STXBP5L: variants seen among roughly 807,000 people sequenced by gnomAD.
The protein encoded by STXBP5L is syntaxin-binding protein 5-like.
A neutral mutation model predicts 144.5 loss-of-function variants in STXBP5L; 65 were observed. That is an observed-to-expected ratio of 0.45 (90% CI 0.37 to 0.55). The LOEUF is 0.55. STXBP5L is among the 20% of genes least tolerant of loss of function. The probability of loss-of-function intolerance (pLI) is 0.00; values close to 1 mark genes in which losing one functional copy is unlikely to be tolerated. For synonymous variants in STXBP5L, 505 were observed against 469.6 expected, an observed-to-expected ratio of 1.08 and a Z score of -0.97; for missense variants, 1,298 against 1,405.5, an observed-to-expected ratio of 0.92 and a Z score of 1.22.
rs72956081 is a variant in STXBP5L at position 121,128,987 on chromosome 3, C to A, written c.669+7283C>A. Among the ~76,000 whole-genome samples the A allele has an allele frequency of 2.5e-3, 380 of 152,092 alleles. 2 individuals are homozygous for A. Among genetic ancestry groups the A allele is most frequent in the African/African-American group, 8.6e-3 (357 of 41,526 alleles). On this transcript the variant is annotated intron_variant, in intron 7 of 26. Transcript: ENST00000471454. ...TTTGCAGGAGTAACTGTTTAGTTTT[C>A]AGGACTGTTAGATATAGGGTCAGAG...
rs1037359288 is a variant in STXBP5L at position 121,085,517 on chromosome 3, T to G, written c.471-29408T>G. The stretch of plus-strand genomic sequence containing the variant: ...ATAAATGTGCAAAAATCACAGGGAT[T>G]CATATACACCAACAATAGACAAACA... On this transcript the variant is annotated intron_variant, in intron 5 of 26. Coordinates refer to ENST00000471454, the MANE Select transcript of STXBP5L (RefSeq NM_001308330.2). 3.3e-5 allele frequency among the ~76,000 whole-genome samples: 5 copies of G among 152,158 alleles called. No homozygotes were observed. In the East Asian group the frequency reaches 9.6e-4, roughly 29 times the overall value.
chr3:121,301,860 G>A (rs555947724), intron 19 of STXBP5L, among the ~76,000 whole-genome samples: 44 of 152,236 alleles, frequency 2.9e-4, no homozygotes, highest in African/African-American at 7.9e-4. Context: ...ATTGATTTGC[G>A]TATGTTGAAC....
At chr3:121,413,387 C>A in intron 24 of STXBP5L, 64 bp downstream of exon 24, 4 of 1,381,106 alleles carry the variant, frequency 2.9e-6, no homozygotes, top group East Asian at 2.5e-5. Flanking sequence ...AGAAAGATGT[C>A]TAAAAACAAA....
chr3:120,988,936 T>C (rs1016606569), intron 3 of STXBP5L, among the ~76,000 whole-genome samples: 1 of 152,142 alleles, frequency 6.6e-6, no homozygotes. Context: ...ATTTCTGAGA[T>C]ATTTCACTTA....
chr3:120,960,848 A>T (rs1938701703), intron 3 of STXBP5L, among the ~76,000 whole-genome samples: 1 of 149,242 alleles, frequency 6.7e-6, no homozygotes, highest in African/African-American at 2.5e-5. Flanking sequence ...AGCATGGCAC[A>T]TGTATACATA....
At chr3:121,068,486 G>A (rs1489274601) in intron 5 of STXBP5L, among the ~76,000 whole-genome samples, 6 of 150,626 alleles carry the variant, frequency 4.0e-5, no homozygotes, top group Non-Finnish European at 7.4e-5. Flanking sequence ...ATTTTTTCAC[G>A]CTTTTTGAGG....
chr3:121,089,470 C>G lies in STXBP5L; in HGVS notation c.471-25455C>G, dbSNP rs77339341. Among the ~76,000 whole-genome samples the G allele has an allele frequency of 2.0e-5, 3 of 151,820 alleles. No homozygotes were observed. In the East Asian group the frequency reaches 5.8e-4, roughly 29 times the overall value. On this transcript the variant is annotated intron_variant, in intron 5 of 26. Coordinates refer to ENST00000471454, the MANE Select transcript of STXBP5L (RefSeq NM_001308330.2). ...TGGTTTCTGATGAGAAATCTACTGT[C>G]ATTGGAAATTTTCTCCCATAGTTAA...
In STXBP5L at chr3:121,407,603, G is replaced by C. The variant is rs571833696; in HGVS notation, c.2948G>C (p.Ser983Thr). 2 of 1,612,818 alleles carry C rather than the reference G, an allele frequency of 1.2e-6. No homozygotes were observed. The highest frequency in any genetic ancestry group is 1.1e-5 in the South Asian group (1 of 91,026). ...FCANGHIMIMSLPSLRPMLDV... is the reference protein window; with the variant it reads ...FCANGHIMIMTLPSLRPMLDV... ...GCTAACGGACATATCATGATAATGAGGTACTTGCCTTCTTATAAATTATCT... is the reference window on the plus strand; with the variant it reads ...GCTAACGGACATATCATGATAATGACGTACTTGCCTTCTTATAAATTATCT... The change falls in exon 23 of 27, where the codon AGC (serine) becomes ACC (threonine). Residue 983 changes from serine to threonine, a missense_variant and splice_region_variant. Ser to Thr is a moderately conservative substitution (Grantham distance 58, BLOSUM62 1). Transcript: ENST00000471454.
At chr3:121,225,425 A>G (rs2049092112) in intron 11 of STXBP5L, among the ~76,000 whole-genome samples, 1 of 152,100 alleles carries the variant, frequency 6.6e-6, no homozygotes, top group Admixed American at 6.6e-5. Flanking sequence ...TGGTGAGATA[A>G]CACTAATATT....
At chr3:121,245,755 G>A (rs1314732433) in intron 14 of STXBP5L, among the ~76,000 whole-genome samples, 3 of 152,096 alleles carry the variant, frequency 2.0e-5, no homozygotes, top group Admixed American at 6.6e-5. Context: ...GTACAAATAT[G>A]TATGAACATA....
intron 3 of STXBP5L, among the ~76,000 whole-genome samples, chr3:121,015,999 G>C (rs1473486511): frequency 6.6e-6 from 1 of 152,174 alleles, no homozygotes; most frequent in African/African-American, 2.4e-5. Context: ...TGCAGACTCT[G>C]TCTGAGGAGG....
intron 3 of STXBP5L, among the ~76,000 whole-genome samples, chr3:120,971,395 C>T (rs1940232236): frequency 6.6e-6 from 1 of 151,878 alleles, no homozygotes; most frequent in Admixed American, 6.6e-5. Flanking sequence ...TCCTTAACTC[C>T]ATCCCACCTT....
At chr3:121,182,701 A>C (rs2047210393) in intron 9 of STXBP5L, among the ~76,000 whole-genome samples, 1 of 152,200 alleles carries the variant, frequency 6.6e-6, no homozygotes, top group Non-Finnish European at 1.5e-5. Flanking sequence ...AGATAAATGA[A>C]ACAAAAAGCT....
chr3:120,955,122 C>T (rs1396838114), intron 3 of STXBP5L, 85 bp downstream of exon 3: 5 of 951,820 alleles, frequency 5.3e-6, no homozygotes, highest in Non-Finnish European at 7.8e-6. Flanking sequence ...ATATTTATGA[C>T]CAAATAAAGT....
chr3:121,098,499 A>T (rs1363255613), intron 5 of STXBP5L, among the ~76,000 whole-genome samples: 1 of 152,200 alleles, frequency 6.6e-6, no homozygotes, highest in Non-Finnish European at 1.5e-5. Flanking sequence ...TGACTCTATA[A>T]GATTAGTCAT....
chr3:121,356,653 G>T (rs1375674700), intron 20 of STXBP5L, among the ~76,000 whole-genome samples: 1 of 152,158 alleles, frequency 6.6e-6, no homozygotes, highest in Non-Finnish European at 1.5e-5. Context: ...TCCCGGGTGA[G>T]GCAATGCCCT....
chr3:121,335,239 A>G (rs2044464957), intron 20 of STXBP5L, among the ~76,000 whole-genome samples: 1 of 152,176 alleles, frequency 6.6e-6, no homozygotes, highest in South Asian at 2.1e-4. Context: ...ACCTAGTAAT[A>G]CAGCTTAAAA....
intron 20 of STXBP5L, chr3:121,324,696 A>G (rs1270508403): frequency 5.3e-6 from 3 of 561,284 alleles, no homozygotes; most frequent in Non-Finnish European, 9.4e-6. Context: ...TGGTGGAAAC[A>G]CAAGTCCTTC....
intron 3 of STXBP5L, among the ~76,000 whole-genome samples, chr3:121,006,401 C>T (rs1944307995): frequency 6.6e-6 from 1 of 151,982 alleles, no homozygotes; most frequent in Non-Finnish European, 1.5e-5. Flanking sequence ...TTTCCATTTG[C>T]TTGGTAGATC....
Sources: gnomAD v4.1 joint callset for allele counts (sites outside exome capture counted in the v4.1 genomes callset) on GRCh38, gnomAD v4.1.1 for gene constraint, MANE v1.5 for transcripts, NCBI Gene and HGNC (gene_info 2026-07-23, HGNC 2026-07-21) for gene names.